Variants in ZNF215 observed in about 807,000 individuals in gnomAD.
ZNF215 encodes BWSCR2-associated zinc finger protein 2.
In ZNF215, 24 loss-of-function variants were observed where a neutral mutation model predicts 27.2. That is an observed-to-expected ratio of 0.88 (90% confidence interval 0.64 to 1.24). The LOEUF (loss-of-function observed/expected upper bound fraction) is 1.24. Among genes scored for constraint, ZNF215 ranks in the 50% most tolerant of loss-of-function variants. ZNF215 has a pLI of 0.00. For missense variants in ZNF215, 675 were observed against 605.7 expected (o/e 1.11, Z -1.20); for synonymous variants, 210 against 204.0 (o/e 1.03, Z -0.25).
In ZNF215 at chr11:6,954,544, C is replaced by A. The variant is rs549859799; in HGVS notation, c.713-1146C>A. On this transcript the variant is annotated intron_variant, in intron 6 of 6. Transcript: ENST00000278319. ...GTGGGTGTAGGACCCGAGCCAGGTG[C>A]AGGATATAATCTCCTGGTGCGCCAT... Among the ~76,000 whole-genome samples, 13 of 152,326 alleles carry A rather than the reference C, an allele frequency of 8.5e-5. No individual in the cohort carries two copies. The East Asian group carries it at 2.5e-3, about 29-fold the overall frequency.
At chr11:6,955,557 T>G in intron 6 of ZNF215, 133 bp from the exon 7 acceptor site, 1 of 932,410 alleles carries the variant, frequency 1.1e-6, no homozygotes, top group South Asian at 3.9e-5. Flanking sequence ...AAGTATTTTT[T>G]TCTAACCTTG....
chr11:6,983,895 A>T (rs1400288644), intron 5 of ZNF215, among the ~76,000 whole-genome samples: 2 of 151,930 alleles, frequency 1.3e-5, no homozygotes, highest in Admixed American at 6.6e-5. Flanking sequence ...CAAATGAATG[A>T]TAAATCCATA....
rs12294988 is a variant in ZNF215 at position 6,934,927 on chromosome 11, A to C, written c.400+2255A>C. 9.8e-3 allele frequency among the ~76,000 whole-genome samples: 1,487 copies of C among 152,322 alleles called. 26 individuals carry two copies. Among genetic ancestry groups the C allele is most frequent in the African/African-American group, 0.034 (1,423 of 41,564 alleles). ...TCTTGAGAAATCTAGCAGAAAAGGC[A>C]AATGAGAGGTTGCAGGGTAATACAG... On this transcript the variant is annotated intron_variant, in intron 3 of 6. Coordinates refer to ENST00000278319, the MANE Select transcript of ZNF215 (RefSeq NM_013250.4).
downstream of ZNF215, among the ~76,000 whole-genome samples, chr11:6,961,557 T>G (rs1360752143): frequency 6.6e-6 from 1 of 152,144 alleles, no homozygotes; most frequent in African/African-American, 2.4e-5. Context: ...GTCACCAGGA[T>G]ATGCATTTAA....
chr11:6,943,547 A>G lies in ZNF215; in HGVS notation c.618A>G (p.Ala206=). ...TCTTTTTATTTTCTCCATGAACAGC[A>G]CATCTACTTTCCAAACCATTTGAGA... is the stretch of plus-strand genomic sequence containing the variant. ...NFRNLNSLRK[A]HLLSKPFESL... is the part of the protein sequence containing the mutation. Residue 206 remains alanine, a splice_region_variant and synonymous_variant, in exon 6 of 7, where the codon GCA becomes GCG. Transcript: ENST00000278319. 1.2e-6 allele frequency: 2 copies of G among 1,613,172 alleles called. No individual in the cohort carries two copies. Among genetic ancestry groups the G allele is most frequent in the Non-Finnish European group, 1.7e-6 (2 of 1,179,384 alleles).
At chr11:6,990,680 G>A (rs907358939), downstream of ZNF215, among the ~76,000 whole-genome samples, 2 of 152,148 alleles carry the variant, frequency 1.3e-5, no homozygotes, top group African/African-American at 4.8e-5. Context: ...ATGTCTTTCT[G>A]TTGTCTTTAT....
intron 5 of ZNF215, among the ~76,000 whole-genome samples, chr11:6,976,257 A>G (rs2133345031): frequency 6.6e-6 from 1 of 152,190 alleles, no homozygotes; most frequent in East Asian, 1.9e-4. Flanking sequence ...GGAAAAACAA[A>G]ACAAATCTCA....
At position 6,957,714 on chromosome 11, in the gene ZNF215, C is replaced by T. The variant is rs1850421893; in HGVS notation, c.*1183C>T. On this transcript the variant is annotated 3_prime_UTR_variant, in exon 7 of 7. Coordinates refer to ENST00000278319, the MANE Select transcript of ZNF215 (RefSeq NM_013250.4). The stretch of plus-strand genomic sequence containing the variant: ...CACTTAAAGTTGCAGTTCCTAAGAA[C>T]CTATTGATGATGTTCAGTGCAGACT... 1.0e-6 allele frequency: 1 copy of T among 981,308 alleles called. No individual in the cohort carries two copies. The highest frequency in any genetic ancestry group is 1.2e-6 in the Non-Finnish European group (1 of 826,220). 60.8% of individuals were successfully genotyped at this position (981,308 alleles called of 1,614,324 possible).
intron 5 of ZNF215, among the ~76,000 whole-genome samples, chr11:6,977,790 G>C (rs920349496): frequency 3.9e-5 from 6 of 152,048 alleles, no homozygotes; most frequent in Admixed American, 3.3e-4. Flanking sequence ...ATACACTCTT[G>C]TGACAACAAA....
rs1022683247 is a variant in ZNF215, at chr11:6,939,506, C to A, written c.401-2065C>A. Among the ~76,000 whole-genome samples, 4 of 151,954 alleles carry A rather than the reference C, an allele frequency of 2.6e-5. 1 individual carries two copies. The highest frequency in any genetic ancestry group is 6.3e-3 in the Middle Eastern group (2 of 316). The stretch of plus-strand genomic sequence containing the variant: ...CATAGACTAGTAAGAAATATTTTTG[C>A]ATGAGAGAAAATACTAGGAAGTGGA... On this transcript the variant is annotated intron_variant, in intron 3 of 6. Transcript: ENST00000278319.
chr11:6,952,350 T>C (rs550311424), intron 6 of ZNF215, among the ~76,000 whole-genome samples: 1 of 152,296 alleles, frequency 6.6e-6, no homozygotes, highest in Non-Finnish European at 1.5e-5. Flanking sequence ...AGTCTCCCAT[T>C]ATTATTGTGT....
Position 6,956,481 on chromosome 11 carries a change from A to C in ZNF215, c.1504A>C (p.Ser502Arg). The change falls in exon 7 of 7, where the codon AGT (serine) becomes CGT (arginine). Residue 502 changes from serine (S) to arginine (R), a missense_variant. By Grantham distance (110) the Ser-to-Arg change is moderately radical. Transcript: ENST00000278319. The stretch of plus-strand genomic sequence containing the variant: ...GGAATGTAGTAAAGCCTTCAACAGG[A>C]GTTCAAACCTTGTTAAACATCAAAA... The part of the protein sequence containing the change: ...CKECSKAFNR[S>R]SNLVKHQKLH... The C allele has an allele frequency of 1.9e-6, 3 of 1,608,338 alleles. No individual in the cohort carries two copies. Among genetic ancestry groups the C allele is most frequent in the Non-Finnish European group, 2.5e-6 (3 of 1,178,324 alleles).
Position 6,956,661 on chromosome 11 carries a change from C to G in ZNF215, c.*130C>G, listed in dbSNP as rs996576493. ...TGTCAGATTTTTCTTTAAATGATAT[C>G]ACAGAATTAATGTTGGATAGAAATA... On this transcript the variant is annotated 3_prime_UTR_variant, in exon 7 of 7. Coordinates refer to ENST00000278319, the MANE Select transcript of ZNF215 (RefSeq NM_013250.4). The G allele has an allele frequency of 1.6e-5, 23 of 1,402,148 alleles. No individual in the cohort carries two copies. The highest frequency in any genetic ancestry group is 4.3e-5 in the African/African-American group (3 of 69,178). 86.9% of individuals were successfully genotyped at this position (1,402,148 alleles called of 1,614,324 possible). A position where few individuals can be genotyped will look rare whatever the true frequency, so the allele number is the denominator to read the frequency against.
Position 6,943,079 on chromosome 11 carries a change from T to G in ZNF215, c.484-4T>G, listed in dbSNP as rs772811159. 9 of 1,609,320 alleles carry G rather than the reference T, an allele frequency of 5.6e-6. No homozygotes were observed. The East Asian group carries it at 1.8e-4, about 32-fold the overall frequency. On this transcript the variant is annotated splice_region_variant and splice_polypyrimidine_tract_variant and intron_variant, in intron 4 of 6. Coordinates refer to ENST00000278319, the MANE Select transcript of ZNF215 (RefSeq NM_013250.4). ...TTTGATTAAAAAGGAACTTAATGTT[T>G]TAGGAACCAGTGACATTCAAAGATG... is the stretch of plus-strand genomic sequence containing the variant.
chr11:6,955,866 G>A lies in ZNF215; in HGVS notation c.889G>A (p.Glu297Lys), dbSNP rs2133297570. Residue 297 changes from glutamate (E) to lysine (K), a missense_variant, in exon 7 of 7, where the codon GAG becomes AAG. By Grantham distance (56) the Glu-to-Lys change is moderately conservative (BLOSUM62 1). Transcript: ENST00000278319. ...EAFIPETIYT[E>K]EEDFECSENK... ...TTTCATTCCTGAGACAATTTACACT[G>A]AGGAGGAAGATTTTGAATGTAGTGA... is the stretch of plus-strand genomic sequence containing the variant. 6.2e-7 allele frequency: 1 copy of A among 1,610,890 alleles called. No individual in the cohort carries two copies. The highest frequency in any genetic ancestry group is 1.3e-5 in the African/African-American group (1 of 74,720).
intron 3 of ZNF215, among the ~76,000 whole-genome samples, chr11:6,937,679 A>C (rs893954068): frequency 6.6e-6 from 1 of 151,944 alleles, no homozygotes; most frequent in Non-Finnish European, 1.5e-5. Flanking sequence ...TAGAATTAAG[A>C]GTCCAGAAAT....
intron 6 of ZNF215, among the ~76,000 whole-genome samples, chr11:6,952,058 T>C (rs1850093315): frequency 6.6e-6 from 1 of 152,252 alleles, no homozygotes. Flanking sequence ...GTGAGTTTCT[T>C]AACCCTGAGT....
chr11:6,963,108 A>G (rs1316351606), intron 5 of ZNF215, among the ~76,000 whole-genome samples: 3 of 152,036 alleles, frequency 2.0e-5, no homozygotes, highest in Non-Finnish European at 4.4e-5. Context: ...TGGGCATTTA[A>G]TTAGTGAATT....
In ZNF215 at chr11:6,943,088, A is replaced by T; in HGVS notation, c.489A>T (p.Pro163=). The T allele has an allele frequency of 6.2e-7, 1 of 1,611,876 alleles. No individual in the cohort carries two copies. Among genetic ancestry groups the T allele is most frequent in the Non-Finnish European group, 8.5e-7 (1 of 1,179,418 alleles). Residue 163 remains proline, a synonymous_variant, in exon 5 of 7, where the codon CCA becomes CCT. Coordinates refer to ENST00000278319, the MANE Select transcript of ZNF215 (RefSeq NM_013250.4). ...AGSRTGKPQE[P]VTFKDVVVEF... is the part of the protein sequence containing the mutation. Reference sequence around the variant, plus strand: ...AAAGGAACTTAATGTTTTAGGAACCAGTGACATTCAAAGATGTGGTTGTGG... The same window carrying T: ...AAAGGAACTTAATGTTTTAGGAACCTGTGACATTCAAAGATGTGGTTGTGG...
Sources: gnomAD v4.1 joint callset for allele counts (sites outside exome capture counted in the v4.1 genomes callset) on GRCh38, gnomAD v4.1.1 for gene constraint, MANE v1.5 for transcripts, NCBI Gene and HGNC (gene_info 2026-07-23, HGNC 2026-07-21) for gene names.